Variants in KANSL2 observed in about 807,000 individuals in gnomAD.
KANSL2 encodes NSL complex protein NSL2.
A neutral mutation model predicts 55.6 loss-of-function variants in KANSL2; 34 were observed. The ratio of observed to expected loss-of-function variants is 0.61; its 90% CI spans 0.46 to 0.81. The LOEUF (loss-of-function observed/expected upper bound fraction) is 0.81, where lower values mean the gene tolerates loss of function less well. Ranked by LOEUF, KANSL2 falls within the 40% of genes least tolerant of loss-of-function variation. The pLI, the probability that KANSL2 is intolerant of heterozygous loss-of-function variation, is 0.00. For synonymous variants in KANSL2, 209 were observed against 214.3 expected, an observed-to-expected ratio of 0.98 and a Z score of 0.22; for missense variants, 502 against 609.9, an observed-to-expected ratio of 0.82 and a Z score of 1.86.
rs923245879 is a variant in KANSL2, at chr12:48,682,228, C to A, written c.-51G>T. 3 of 633,432 alleles carry A rather than the reference C, an allele frequency of 4.7e-6. No homozygotes were observed. Among genetic ancestry groups the A allele is most frequent in the African/African-American group, 1.8e-5 (1 of 54,954 alleles). The allele number at this position is 633,432 out of a possible 1,614,324, so 39.2% of individuals were successfully genotyped here. On this transcript the variant is annotated 5_prime_UTR_variant, in exon 1 of 10. Coordinates refer to ENST00000420613, the MANE Select transcript of KANSL2 (RefSeq NM_017822.4). ...CGCCGCACTCTGCCGCGCCGCTCGC[C>A]CTTCTCTAGTGGCGCCAGCGGCTCT...
At chr12:48,657,819 G>A (rs1939415790) in intron 8 of KANSL2, among the ~76,000 whole-genome samples, 1 of 152,088 alleles carries the variant, frequency 6.6e-6, no homozygotes, top group Admixed American at 6.5e-5. Context: ...GTTTCACCAT[G>A]TTGGCCAGGC....
intron 7 of KANSL2, chr12:48,662,564 A>G (rs1939508092): frequency 7.8e-7 from 1 of 1,279,594 alleles, no homozygotes; most frequent in Non-Finnish European, 1.0e-6. Context: ...ACCTACAACT[A>G]GAGTCTGGGT....
At chr12:48,659,977 AG>A (rs1157969641) in intron 8 of KANSL2, among the ~76,000 whole-genome samples, 3 of 152,208 alleles carry the variant, frequency 2.0e-5, no homozygotes, top group Admixed American at 2.0e-4. Context: ...CATCGTGGCC[AG>A]GGGCTGAGGG....
At chr12:48,660,752 C>T in intron 7 of KANSL2, 133 bp from the exon 8 acceptor site, 1 of 905,660 alleles carries the variant, frequency 1.1e-6, no homozygotes. Flanking sequence ...ATACAGAATA[C>T]CAAATGCAGT....
intron 4 of KANSL2, among the ~76,000 whole-genome samples, chr12:48,673,349 C>G (rs1278294243): frequency 6.6e-6 from 1 of 151,570 alleles, no homozygotes; most frequent in African/African-American, 2.4e-5. Context: ...CACCTGAGGT[C>G]AGGTGTTCAA....
chr12:48,681,144 C>G, intron 2 of KANSL2: 4 of 199,944 alleles, frequency 2.0e-5, no homozygotes, highest in Non-Finnish European at 2.9e-5. Context: ...AAAAAAAAGA[C>G]TAATTTAGAA....
chr12:48,666,179 C>A (rs1173722840), intron 7 of KANSL2, among the ~76,000 whole-genome samples: 2 of 152,040 alleles, frequency 1.3e-5, no homozygotes, highest in Non-Finnish European at 2.9e-5. Context: ...CCACTGCACT[C>A]CAACTTGGGC....
intron 1 of KANSL2, 94 bp from the exon 2 acceptor site, chr12:48,681,735 G>A (rs761383835): frequency 3.0e-5 from 45 of 1,512,532 alleles, no homozygotes; most frequent in Non-Finnish European, 3.8e-5. Flanking sequence ...AGGACATGCA[G>A]AAGTCGTCCC....
Position 48,667,687 on chromosome 12 carries a change from A to T in KANSL2, c.973+6T>A. On this transcript the variant is annotated splice_donor_region_variant and intron_variant, in intron 7 of 9. Transcript: ENST00000420613. The stretch of plus-strand genomic sequence containing the variant: ...CACAGCCTTAACAGGCAGAGTAAAA[A>T]GATACGGGTAAGGCAGTGTCTGGTC... 2 of 1,604,068 alleles carry T rather than the reference A, an allele frequency of 1.2e-6. No individual in the cohort carries two copies. The highest frequency in any genetic ancestry group is 2.2e-5 in the South Asian group (2 of 90,874).
intron 1 of KANSL2, 21 bp downstream of exon 1, chr12:48,682,161 TAGAGG>T (rs776092542): frequency 7.1e-6 from 5 of 700,202 alleles, no homozygotes; most frequent in Non-Finnish European, 1.3e-5. Context: ...CGCAAGAGCT[TAGAGG>T]AAAGAGCACC....
In KANSL2 at chr12:48,669,157, A is replaced by G. The variant is rs1252229241; in HGVS notation, c.825T>C (p.His275=). Residue 275 remains histidine, a synonymous_variant, in exon 6 of 10, where the codon CAT becomes CAC. Coordinates refer to ENST00000420613, the MANE Select transcript of KANSL2 (RefSeq NM_017822.4). The part of the protein sequence containing the change: ...RQRYGVEALL[H]RQLKERRMLA... ...GCATTCTCCGTTCCTTCAACTGCCT[A>G]TGCAGTAAGGCTTCCACTCCATAGC... The G allele has an allele frequency of 2.6e-6, 4 of 1,551,794 alleles. No individual in the cohort carries two copies. In the South Asian group the frequency reaches 3.6e-5, roughly 14 times the overall value.
intron 5 of KANSL2, among the ~76,000 whole-genome samples, chr12:48,669,916 A>G (rs1334022535): frequency 6.6e-6 from 1 of 152,134 alleles, no homozygotes; most frequent in Non-Finnish European, 1.5e-5. Flanking sequence ...CAAGTCTAGC[A>G]CAGGCTGGAC....
chr12:48,669,019 G>A (rs1010238108), intron 6 of KANSL2, 87 bp downstream of exon 6: 30 of 1,073,462 alleles, frequency 2.8e-5, no homozygotes, highest in East Asian at 9.1e-5. Flanking sequence ...ACTCCAGCCC[G>A]AGTGACAGTG....
rs1375625601 is a variant in KANSL2 at position 48,667,696 on chromosome 12, T to C, written c.970A>G (p.Thr324Ala). 1 of 1,609,982 alleles carries C rather than the reference T, an allele frequency of 6.2e-7. No homozygotes were observed. The highest frequency in any genetic ancestry group is 2.2e-5 in the East Asian group (1 of 44,856). Residue 324 changes from threonine (T) to alanine (A), a missense_variant, in exon 7 of 10, where the codon ACC (threonine) becomes GCC (alanine). Thr to Ala is a moderately conservative substitution (Grantham distance 58). Coordinates refer to ENST00000420613, the MANE Select transcript of KANSL2 (RefSeq NM_017822.4). ...AACAGGCAGAGTAAAAAGATACGGG[T>C]AAGGCAGTGTCTGGTCATTGGAAGA... is the stretch of plus-strand genomic sequence containing the variant. ...QSLPMTRHCLTHICQDTNQVL... is the reference protein window; with the variant it reads ...QSLPMTRHCLAHICQDTNQVL...
At chr12:48,671,173 G>A (rs1312951898) in intron 5 of KANSL2, among the ~76,000 whole-genome samples, 1 of 151,590 alleles carries the variant, frequency 6.6e-6, no homozygotes, top group Non-Finnish European at 1.5e-5. Context: ...GCTGAGGTGG[G>A]AGAACTGCTT....
intron 7 of KANSL2, among the ~76,000 whole-genome samples, chr12:48,666,287 G>A (rs892007876): frequency 2.6e-5 from 4 of 151,890 alleles, no homozygotes; most frequent in African/African-American, 9.7e-5. Flanking sequence ...TACAGTGGCT[G>A]ATGACTGTAA....
intron 4 of KANSL2, among the ~76,000 whole-genome samples, chr12:48,677,784 C>CAAAAA (rs56147873): frequency 4.2e-5 from 2 of 47,666 alleles, no homozygotes; most frequent in African/African-American, 8.7e-5. Context: ...GACTCCATCT[C>CAAAAA]AAAAAAAAAA....
At chr12:48,679,373 G>A (rs7295027) in intron 3 of KANSL2, 158,251 of 618,768 alleles carry the variant, frequency 0.26, 23,841 homozygotes, top group Non-Finnish European at 0.32. Flanking sequence ...CTCTCAAACA[G>A]AAAAATCAAC....
intron 5 of KANSL2, 65 bp downstream of exon 5, chr12:48,671,732 CAT>C (rs2137195352): frequency 2.0e-6 from 3 of 1,465,494 alleles, no homozygotes; most frequent in South Asian, 1.3e-5. Context: ...TTAAGTGACA[CAT>C]GACTGTACTA....
Sources: gnomAD v4.1 joint callset for allele counts (sites outside exome capture counted in the v4.1 genomes callset) on GRCh38, gnomAD v4.1.1 for gene constraint, MANE v1.5 for transcripts, NCBI Gene and HGNC (gene_info 2026-07-23, HGNC 2026-07-21) for gene names.